Variants in TOM1L2 observed in about 807,000 individuals in gnomAD.
TOM1L2 encodes TOM1-like protein 2.
Under a neutral mutation model 67.9 loss-of-function variants are expected in TOM1L2, and 31 were observed. That is an observed-to-expected ratio of 0.46 (90% CI 0.34 to 0.62). The LOEUF (loss-of-function observed/expected upper bound fraction) is 0.62, where lower values mean the gene tolerates loss of function less well. Among genes scored for constraint, TOM1L2 ranks in the 20% least tolerant of loss-of-function variants. TOM1L2 has a pLI of 0.01. For synonymous variants in TOM1L2, 256 were observed against 254.0 expected, an observed-to-expected ratio of 1.01 and a Z score of -0.07; for missense variants, 606 against 663.5, an observed-to-expected ratio of 0.91 and a Z score of 0.95.
Position 17,850,923 on chromosome 17 carries a change from G to A in TOM1L2, c.1308C>T (p.Asp436=), listed in dbSNP as rs148693597. The A allele has an allele frequency of 2.5e-4, 404 of 1,614,026 alleles. No individual in the cohort carries two copies. Among genetic ancestry groups the A allele is most frequent in the Middle Eastern group, 1.5e-3 (9 of 6,062 alleles). Residue 436 remains aspartate, a synonymous_variant, in exon 13 of 15, where the codon GAC becomes GAT. Transcript: ENST00000379504. The part of the protein sequence containing the change: ...GIPVAQPSVM[D]DIEVWLRTDL... Reference sequence around the variant, plus strand: ...CGGTCCTGAGCCACACCTCAATGTCGTCCATGACAGATGGCTGCGCAACGG... The same window carrying A: ...CGGTCCTGAGCCACACCTCAATGTCATCCATGACAGATGGCTGCGCAACGG...
chr17:17,891,879 C>T (rs1437263422), intron 4 of TOM1L2, among the ~76,000 whole-genome samples: 1 of 151,670 alleles, frequency 6.6e-6, no homozygotes, highest in East Asian at 1.9e-4. Flanking sequence ...CGAGGGACAA[C>T]CCTAGGGTAA....
intron 1 of TOM1L2, among the ~76,000 whole-genome samples, chr17:17,922,623 C>A (rs950650644): frequency 2.0e-5 from 3 of 152,150 alleles, no homozygotes; most frequent in Non-Finnish European, 4.4e-5. Context: ...ACATTTCTCA[C>A]GCTCTCTGAA....
intron 1 of TOM1L2, among the ~76,000 whole-genome samples, chr17:17,915,608 T>C (rs2039594359): frequency 6.6e-6 from 1 of 152,076 alleles, no homozygotes. Flanking sequence ...CTTGAAATCC[T>C]GGTCTCAAGC....
intron 1 of TOM1L2, among the ~76,000 whole-genome samples, chr17:17,971,616 G>A (rs1597498556): frequency 1.3e-5 from 2 of 152,362 alleles, no homozygotes; most frequent in Middle Eastern, 6.8e-3. Flanking sequence ...GGAGAAGAAG[G>A]TGACATCCCA....
At chr17:17,927,499 C>G (rs2040143037) in intron 1 of TOM1L2, among the ~76,000 whole-genome samples, 1 of 152,186 alleles carries the variant, frequency 6.6e-6, no homozygotes, top group Non-Finnish European at 1.5e-5. Flanking sequence ...TCAAGGGAAA[C>G]ATTCCCTGAA....
At chr17:17,872,141 CCAA>C (rs2037187815) in intron 7 of TOM1L2, 1 of 660,782 alleles carries the variant, frequency 1.5e-6, no homozygotes, top group Non-Finnish European at 1.9e-6. Flanking sequence ...CACAGGAAAA[CCAA>C]CAACACAGGG....
At chr17:17,850,489 G>A (rs1386643978) in intron 13 of TOM1L2, among the ~76,000 whole-genome samples, 17 of 149,944 alleles carry the variant, frequency 1.1e-4, no homozygotes, top group South Asian at 2.1e-4. Context: ...AAAAAAAAAA[G>A]AAATGAAAAC....
rs60388742 is a variant in TOM1L2 at position 17,952,376 on chromosome 17, C to CTTTTTTTTTTTTTT, written c.52+19872_52+19885dup. On this transcript the variant is annotated intron_variant, in intron 1 of 14. Coordinates refer to ENST00000379504, the MANE Select transcript of TOM1L2 (RefSeq NM_001082968.2). ...TATACAGTAAGTGCTTCTTTATTTT[C>CTTTTTTTTTTTTTT]TTTTTTTTTTTTTTTTTTTTTTTTT... Among the ~76,000 whole-genome samples the CTTTTTTTTTTTTTT allele has an allele frequency of 4.0e-4, 32 of 79,890 alleles. 3 individuals carry two copies. The highest frequency in any genetic ancestry group is 7.0e-4 in the African/African-American group (16 of 22,840). 52.4% of individuals were successfully genotyped at this position (79,890 alleles called of 152,430 possible). A position where few individuals can be genotyped will look rare whatever the true frequency, so the allele number is the denominator to read the frequency against.
At chr17:17,881,953 A>G (rs2037746709) in intron 6 of TOM1L2, among the ~76,000 whole-genome samples, 1 of 152,162 alleles carries the variant, frequency 6.6e-6, no homozygotes, top group Non-Finnish European at 1.5e-5. Flanking sequence ...AAATATAAAC[A>G]TTGGAGAGTT....
intron 1 of TOM1L2, among the ~76,000 whole-genome samples, chr17:17,918,862 A>G (rs1328674743): frequency 6.6e-6 from 1 of 152,154 alleles, no homozygotes; most frequent in East Asian, 1.9e-4. Context: ...AGCTGCTTGG[A>G]GGCAGGACAT....
At chr17:17,878,781 C>T (rs553032270) in intron 7 of TOM1L2, among the ~76,000 whole-genome samples, 3 of 152,222 alleles carry the variant, frequency 2.0e-5, no homozygotes, top group Non-Finnish European at 4.4e-5. Flanking sequence ...TGGGGCCTTG[C>T]AGTTCACAGC....
At chr17:17,925,923 C>T (rs1480821605) in intron 1 of TOM1L2, among the ~76,000 whole-genome samples, 1 of 151,110 alleles carries the variant, frequency 6.6e-6, no homozygotes, top group Admixed American at 6.6e-5. Context: ...ATAATCCCAG[C>T]ACTTTGGAAG....
At chr17:17,945,224 A>C (rs1462243274) in intron 1 of TOM1L2, among the ~76,000 whole-genome samples, 1 of 152,112 alleles carries the variant, frequency 6.6e-6, no homozygotes, top group African/African-American at 2.4e-5. Context: ...AACAAGGTTA[A>C]AAATTAGGTG....
At position 17,845,558 on chromosome 17, in the gene TOM1L2, T is replaced by C. The variant is rs1264625397; in HGVS notation, c.*2077A>G. On this transcript the variant is annotated 3_prime_UTR_variant, in exon 15 of 15. Coordinates refer to ENST00000379504, the MANE Select transcript of TOM1L2 (RefSeq NM_001082968.2). Reference sequence around the variant, plus strand: ...CCCTCTGAGGACACTGGGTCTGGGATGCAGTGCTGAGGCTGCGGAGCACTG... The same window carrying C: ...CCCTCTGAGGACACTGGGTCTGGGACGCAGTGCTGAGGCTGCGGAGCACTG... 2.0e-5 allele frequency: 3 copies of C among 152,334 alleles called. 1 individual carries two copies. Among genetic ancestry groups the C allele is most frequent in the Non-Finnish European group, 4.4e-5 (3 of 68,040 alleles). 9.4% of individuals were successfully genotyped at this position (152,334 alleles called of 1,614,324 possible). A position where few individuals can be genotyped will look rare whatever the true frequency, so the allele number is the denominator to read the frequency against.
chr17:17,864,982 T>G (rs2036770672), intron 10 of TOM1L2, among the ~76,000 whole-genome samples: 1 of 152,210 alleles, frequency 6.6e-6, no homozygotes, highest in Non-Finnish European at 1.5e-5. Context: ...ACGAGAAATA[T>G]TTTTTAAAAA....
At chr17:17,953,822 A>T (rs1244308668) in intron 1 of TOM1L2, among the ~76,000 whole-genome samples, 1 of 152,186 alleles carries the variant, frequency 6.6e-6, no homozygotes, top group Non-Finnish European at 1.5e-5. Flanking sequence ...AATGAGATAA[A>T]ATCTTGAAAG....
rs2038397309 is a variant in TOM1L2 at position 17,893,518 on chromosome 17, T to G, written c.366+143A>C. ...TCATTCCAGTGGGATGAGAATTTTT[T>G]TTGAAGTATTTTGCACCAAATATTT... On this transcript the variant is annotated intron_variant, in intron 4 of 14. Coordinates refer to ENST00000379504, the MANE Select transcript of TOM1L2 (RefSeq NM_001082968.2). 6 of 813,002 alleles carry G rather than the reference T, an allele frequency of 7.4e-6. No individual in the cohort carries two copies. The Admixed American group carries it at 1.8e-4, about 24-fold the overall frequency. The allele number at this position is 813,002 out of a possible 1,614,324, so 50.4% of individuals were successfully genotyped here.
At chr17:17,913,387 T>C (rs981746956) in intron 1 of TOM1L2, among the ~76,000 whole-genome samples, 1 of 151,816 alleles carries the variant, frequency 6.6e-6, no homozygotes, top group African/African-American at 2.4e-5. Flanking sequence ...GTGAGCTCCA[T>C]GGAGCAGATG....
intron 1 of TOM1L2, among the ~76,000 whole-genome samples, chr17:17,936,319 G>A (rs1420854377): frequency 6.6e-6 from 1 of 152,154 alleles, no homozygotes; most frequent in Non-Finnish European, 1.5e-5. Flanking sequence ...CCTTCTTCCA[G>A]GAAGTTTTCC....
Sources: allele counts gnomAD v4.1 joint callset (sites outside exome capture counted in the v4.1 genomes callset), GRCh38; gene constraint gnomAD v4.1.1; transcripts MANE v1.5; gene names NCBI Gene and HGNC (gene_info 2026-07-23, HGNC 2026-07-21).